The following CPA6 variants were observed in gnomAD, a reference collection of about 807,000 sequenced individuals.
The protein encoded by CPA6 is carboxypeptidase A6.
In CPA6, 58 loss-of-function variants were observed where a neutral mutation model predicts 63.3. The ratio of observed to expected loss-of-function variants is 0.92; its 90% CI spans 0.74 to 1.14. CPA6 has a LOEUF of 1.14. Ranked by LOEUF, CPA6 falls within the 50% of genes most tolerant of loss-of-function variation. CPA6 has a pLI of 0.00. For synonymous variants in CPA6, 185 were observed against 179.0 expected (o/e 1.03, Z -0.27); for missense variants, 565 against 526.6 (o/e 1.07, Z -0.71).
chr8:67,469,680 G>T (rs1002331138), intron 8 of CPA6, among the ~76,000 whole-genome samples: 13 of 152,170 alleles, frequency 8.5e-5, no homozygotes, highest in African/African-American at 3.1e-4. Flanking sequence ...TCTGCCTTCA[G>T]ACTTGAACTG....
At chr8:67,464,821 G>A (rs1035862342) in intron 8 of CPA6, among the ~76,000 whole-genome samples, 7 of 152,116 alleles carry the variant, frequency 4.6e-5, no homozygotes, top group Admixed American at 4.6e-4. Context: ...GATGGCTGTA[G>A]GTGTGTGGCT....
At chr8:67,471,193 TC>T (rs1490202126) in intron 8 of CPA6, among the ~76,000 whole-genome samples, 3 of 152,132 alleles carry the variant, frequency 2.0e-5, no homozygotes, top group Admixed American at 6.5e-5. Flanking sequence ...ACATGACTGT[TC>T]CTTCTGTGTG....
At chr8:67,464,064 T>C (rs1347473633) in intron 8 of CPA6, among the ~76,000 whole-genome samples, 1 of 152,222 alleles carries the variant, frequency 6.6e-6, no homozygotes, top group Non-Finnish European at 1.5e-5. Context: ...AAATGCTAGT[T>C]CTAAGTTCTT....
chr8:67,461,128 G>A lies in CPA6; in HGVS notation c.838+22640C>T, dbSNP rs558109460. ...TCGCAGAGGGGGATTTGGCAGGGTCGTAGGACAATAGTGGAGGGAAGGTCG... is the reference window on the plus strand; with the variant it reads ...TCGCAGAGGGGGATTTGGCAGGGTCATAGGACAATAGTGGAGGGAAGGTCG... On this transcript the variant is annotated intron_variant, in intron 8 of 10. Coordinates refer to ENST00000297770, the MANE Select transcript of CPA6 (RefSeq NM_020361.5). Among the ~76,000 whole-genome samples the A allele has an allele frequency of 8.2e-5, 12 of 145,822 alleles. No individual in the cohort carries two copies. The South Asian group carries it at 1.8e-3, about 22-fold the overall frequency.
At chr8:67,563,423 G>GT (rs1373814896) in intron 2 of CPA6, among the ~76,000 whole-genome samples, 1 of 152,144 alleles carries the variant, frequency 6.6e-6, no homozygotes, top group East Asian at 1.9e-4. Flanking sequence ...CTGGCAAATT[G>GT]TAACAACTTA....
chr8:67,531,458 T>A (rs1275415428), intron 2 of CPA6, among the ~76,000 whole-genome samples: 4 of 152,166 alleles, frequency 2.6e-5, no homozygotes, highest in African/African-American at 9.7e-5. Flanking sequence ...GGTGCAGCTA[T>A]ATTAATAGCA....
intron 2 of CPA6, among the ~76,000 whole-genome samples, chr8:67,606,479 T>C (rs1237930716): frequency 6.6e-6 from 1 of 152,180 alleles, no homozygotes; most frequent in East Asian, 1.9e-4. Flanking sequence ...GGTCCAGGTA[T>C]GGCTCTTTAT....
chr8:67,528,228 C>T (rs1812405517), intron 2 of CPA6, among the ~76,000 whole-genome samples: 1 of 152,174 alleles, frequency 6.6e-6, no homozygotes, highest in African/African-American at 2.4e-5. Flanking sequence ...GTTTGGGACA[C>T]CTTCCCAGGA....
chr8:67,567,015 A>G (rs1813353748), intron 2 of CPA6, among the ~76,000 whole-genome samples: 1 of 152,234 alleles, frequency 6.6e-6, no homozygotes, highest in South Asian at 2.1e-4. Flanking sequence ...TGCACTAGCA[A>G]TCTGGACTAT....
intron 1 of CPA6, among the ~76,000 whole-genome samples, chr8:67,715,239 T>A (rs1409786811): frequency 6.6e-6 from 1 of 152,174 alleles, no homozygotes; most frequent in Non-Finnish European, 1.5e-5. Flanking sequence ...CAAGCCTGCC[T>A]CTACTTCCAA....
At chr8:67,458,066 T>C (rs1810716337) in intron 8 of CPA6, among the ~76,000 whole-genome samples, 1 of 152,060 alleles carries the variant, frequency 6.6e-6, no homozygotes, top group Non-Finnish European at 1.5e-5. Context: ...AAAGTGAATC[T>C]AGACACAGAG....
intron 1 of CPA6, among the ~76,000 whole-genome samples, chr8:67,701,981 G>T (rs749191907): frequency 1.3e-5 from 2 of 152,098 alleles, no homozygotes; most frequent in Non-Finnish European, 2.9e-5. Context: ...AAGATTGTGC[G>T]TGCAGTGTTC....
chr8:67,564,879 G>A (rs1471832097), intron 2 of CPA6, among the ~76,000 whole-genome samples: 1 of 152,084 alleles, frequency 6.6e-6, no homozygotes, highest in Admixed American at 6.6e-5. Context: ...AACAACAAAA[G>A]ATAACACTAT....
intron 6 of CPA6, among the ~76,000 whole-genome samples, chr8:67,505,405 G>A (rs574198612): frequency 1.3e-5 from 2 of 152,164 alleles, no homozygotes; most frequent in African/African-American, 2.4e-5. Flanking sequence ...GCGTATGTTG[G>A]GGGTGAGGGA....
intron 2 of CPA6, among the ~76,000 whole-genome samples, chr8:67,546,381 T>C (rs1031136009): frequency 9.9e-5 from 15 of 152,228 alleles, no homozygotes; most frequent in African/African-American, 3.6e-4. Context: ...TAAAGATTTG[T>C]TGTTAAAGAA....
chr8:67,698,870 A>C (rs1816961815), intron 1 of CPA6, among the ~76,000 whole-genome samples: 1 of 152,202 alleles, frequency 6.6e-6, no homozygotes, highest in Non-Finnish European at 1.5e-5. Context: ...TTCTATTACT[A>C]TTCTGAGTCT....
intron 8 of CPA6, among the ~76,000 whole-genome samples, chr8:67,471,734 A>C (rs1471626147): frequency 6.6e-6 from 1 of 152,250 alleles, no homozygotes; most frequent in East Asian, 1.9e-4. Flanking sequence ...GTGTTTGAGA[A>C]TAGCATTCAA....
At chr8:67,445,751 T>C (rs1002080813) in intron 8 of CPA6, among the ~76,000 whole-genome samples, 11 of 152,186 alleles carry the variant, frequency 7.2e-5, no homozygotes, top group African/African-American at 2.4e-4. Flanking sequence ...GTTGATCTCC[T>C]AACTGGCATT....
At chr8:67,548,987 AT>A (rs1328606339) in intron 2 of CPA6, among the ~76,000 whole-genome samples, 2 of 152,188 alleles carry the variant, frequency 1.3e-5, no homozygotes, top group Non-Finnish European at 2.9e-5. Flanking sequence ...ACAGAATAGA[AT>A]TTACAGCTGT....
Sources: allele counts gnomAD v4.1 joint callset (sites outside exome capture counted in the v4.1 genomes callset), GRCh38; gene constraint gnomAD v4.1.1; transcripts MANE v1.5; gene names NCBI Gene and HGNC (gene_info 2026-07-23, HGNC 2026-07-21).